The following TMIGD2 variants were observed in gnomAD, a reference collection of about 807,000 sequenced individuals.
The protein encoded by TMIGD2 is transmembrane and immunoglobulin domain containing 2, also known as transmembrane and immunoglobulin domain-containing protein 2.
Under a neutral mutation model 22.6 loss-of-function variants are expected in TMIGD2, and 18 were observed. The observed-to-expected ratio is 0.80, with a 90% CI of 0.55 to 1.18. The LOEUF (loss-of-function observed/expected upper bound fraction) is 1.18. TMIGD2 is among the 50% of genes most tolerant of loss of function. The probability of loss-of-function intolerance (pLI) is 0.00; values close to 1 mark genes in which losing one functional copy is unlikely to be tolerated. For synonymous variants in TMIGD2, 184 were observed against 154.1 expected, an observed-to-expected ratio of 1.19 and a Z score of -1.44; for missense variants, 361 against 378.2, an observed-to-expected ratio of 0.95 and a Z score of 0.38.
chr19:4,293,611 T>C (rs1034563693), intron 4 of TMIGD2, among the ~76,000 whole-genome samples: 3 of 151,350 alleles, frequency 2.0e-5, no homozygotes, highest in African/African-American at 7.3e-5. Context: ...TTTGTTTGTT[T>C]TTTGAGACAG....
intron 4 of TMIGD2, among the ~76,000 whole-genome samples, 172 bp downstream of exon 4, chr19:4,294,407 G>A (rs1035691547): frequency 6.6e-6 from 1 of 152,110 alleles, no homozygotes; most frequent in East Asian, 1.9e-4. Context: ...CAGGCTAGGG[G>A]CTTTGTCTCT....
rs375257491 is a variant in TMIGD2 at position 4,292,747 on chromosome 19, G to A, written c.701C>T (p.Pro234Leu). The change falls in exon 5 of 5, where the codon CCG becomes CTG. Residue 234 changes from proline to leucine, a missense_variant. Transcript: ENST00000301272. Reference sequence around the variant, plus strand: ...GGGGCAGGGTCTTGACGCCAGGTGCGGCTGGCGGGGGGCCGGTTGCGGGAA... The same window carrying A: ...GGGGCAGGGTCTTGACGCCAGGTGCAGCTGGCGGGGGGCCGGTTGCGGGAA... 40 of 1,610,184 alleles carry A rather than the reference G, an allele frequency of 2.5e-5. No homozygotes were observed. Among genetic ancestry groups the A allele is most frequent in the South Asian group, 3.3e-5 (3 of 90,842 alleles).
exon 4 of TMIGD2, chr19:4,294,603 G>C (rs779102593): frequency 1.9e-5 from 31 of 1,610,418 alleles, no homozygotes; most frequent in Non-Finnish European, 2.5e-5. Context: ...TGGCAGCTGC[G>C]GCGGCCCCAG....
Position 4,294,740 on chromosome 19 carries a change from A to G in TMIGD2, c.448+35T>C, listed in dbSNP as rs377173184. The G allele has an allele frequency of 2.6e-4, 411 of 1,576,438 alleles. 1 individual carries two copies. The highest frequency in any genetic ancestry group is 6.9e-4 in the Admixed American group (38 of 55,120). On this transcript the variant is annotated intron_variant, in intron 3 of 4. Transcript: ENST00000301272. ...GGGGAAGGGGTGGTGATGCGGGTGG[A>G]AGACGCTGGGGGAGGAACACAGGGC... is the stretch of plus-strand genomic sequence containing the variant.
At chr19:4,301,626 C>T (rs1282193368) in intron 1 of TMIGD2, among the ~76,000 whole-genome samples, 1 of 152,148 alleles carries the variant, frequency 6.6e-6, no homozygotes, top group African/African-American at 2.4e-5. Context: ...ACCGAGATCG[C>T]GTCACTGCAC....
In TMIGD2 at chr19:4,294,715, G is replaced by A. The variant is rs796255319; in HGVS notation, c.449-35C>T. ...GGGAGAAGAGATGGTCTAATCAGGA[G>A]GGGAAGGGGTGGTGATGCGGGTGGA... On this transcript the variant is annotated intron_variant, in intron 3 of 4. Coordinates refer to ENST00000301272, the Ensembl canonical transcript of TMIGD2. 5.7e-6 allele frequency: 9 copies of A among 1,572,294 alleles called. No individual in the cohort carries two copies. In the African/African-American group the frequency reaches 1.1e-4, roughly 19 times the overall value.
intron 1 of TMIGD2, among the ~76,000 whole-genome samples, chr19:4,299,123 C>T: frequency 6.6e-6 from 1 of 152,018 alleles, no homozygotes; most frequent in Non-Finnish European, 1.5e-5. Flanking sequence ...CAGGGAAGGC[C>T]TCCTTGAGGT....
intron 2 of TMIGD2, among the ~76,000 whole-genome samples, chr19:4,295,928 G>C (rs1451080235): frequency 6.6e-6 from 1 of 152,044 alleles, no homozygotes; most frequent in Non-Finnish European, 1.5e-5. Flanking sequence ...GTTGTTGTTT[G>C]TTTTTCTGGA....
At chr19:4,298,056 G>A in exon 2 of TMIGD2, 1 of 1,613,634 alleles carries the variant, frequency 6.2e-7, no homozygotes, top group Non-Finnish European at 8.5e-7. Flanking sequence ...CGGCCGCCCA[G>A]CACACGTACG....
rs751520123 is a variant in TMIGD2, at chr19:4,294,564, T to C, written c.562+3A>G. On this transcript the variant is annotated splice_donor_region_variant and intron_variant, in intron 4 of 4. Transcript: ENST00000301272. ...CCACCTCCTCCGCCCTACCCTCCCTTACCTGGGCTGTTACCTGAGTCCCTT... is the reference window on the plus strand; with the variant it reads ...CCACCTCCTCCGCCCTACCCTCCCTCACCTGGGCTGTTACCTGAGTCCCTT... The C allele has an allele frequency of 3.1e-6, 5 of 1,611,870 alleles. No individual in the cohort carries two copies. The Admixed American group carries it at 5.0e-5, about 16-fold the overall frequency.
rs573198579 is a variant in TMIGD2 at position 4,295,162 on chromosome 19, G to T, written c.407-346C>A. Among the ~76,000 whole-genome samples, 13 of 148,588 alleles carry T rather than the reference G, an allele frequency of 8.7e-5. No homozygotes were observed. In the South Asian group the frequency reaches 1.9e-3, roughly 22 times the overall value. ...TTTAATCCCAACTACTCAGGAGGCT[G>T]AGGCAGGAGAATCGCTTGAATCCAG... On this transcript the variant is annotated intron_variant, in intron 2 of 4. Transcript: ENST00000301272.
At chr19:4,302,209 G>C in intron 1 of TMIGD2, 131 bp downstream of exon 1, 1 of 956,868 alleles carries the variant, frequency 1.0e-6, no homozygotes, top group Non-Finnish European at 1.5e-6. Flanking sequence ...CACGTTCTGA[G>C]TCTCGGAGGG....
chr19:4,295,261 A>AAAAAAAAAAAC (rs1971447069), intron 2 of TMIGD2, among the ~76,000 whole-genome samples: 1 of 56,750 alleles, frequency 1.8e-5, no homozygotes, highest in Non-Finnish European at 3.5e-5. Flanking sequence ...ACTCTGCCTC[A>AAAAAAAAAAAC]AAAAAAAAAA....
intron 1 of TMIGD2, among the ~76,000 whole-genome samples, chr19:4,301,728 G>A (rs1000700299): frequency 6.6e-5 from 10 of 152,144 alleles, no homozygotes; most frequent in South Asian, 4.1e-4. Flanking sequence ...AAGTGCAAGC[G>A]GCTGGAATCA....
rs370727587 is a variant in TMIGD2 at position 4,294,605 on chromosome 19, C to T, written c.524G>A (p.Arg175His). ...TGAGTCCCTTTGCTGGCAGCTGCGG[C>T]GGCCCCAGAACCAGGCACCCCACAC... is the stretch of plus-strand genomic sequence containing the variant. Residue 175 changes from arginine (R) to histidine (H), a missense_variant, in exon 4 of 5, where the codon CGC (arginine) becomes CAC (histidine). By Grantham distance (29) the Arg-to-His change is conservative. Transcript: ENST00000301272. The T allele has an allele frequency of 8.4e-5, 135 of 1,610,490 alleles. 1 individual carries two copies. The East Asian group carries it at 1.3e-3, about 16-fold the overall frequency.
In TMIGD2 at chr19:4,297,979, C is replaced by A. The variant is rs1317318902; in HGVS notation, c.406+7G>T. Reference sequence around the variant, plus strand: ...CTGCCCCTCCCTCTCCCCGCTGGCTCCCGTACCTGGGTCCACAAAGAGCCT... The same window carrying A: ...CTGCCCCTCCCTCTCCCCGCTGGCTACCGTACCTGGGTCCACAAAGAGCCT... On this transcript the variant is annotated splice_region_variant and intron_variant, in intron 2 of 4. Transcript: ENST00000301272. The A allele has an allele frequency of 8.9e-6, 14 of 1,565,182 alleles. No homozygotes were observed. The highest frequency in any genetic ancestry group is 1.2e-5 in the Non-Finnish European group (14 of 1,151,520).
chr19:4,292,681 A>T (rs1971397022), exon 5 of TMIGD2: 1 of 1,603,704 alleles, frequency 6.2e-7, no homozygotes, highest in African/African-American at 1.3e-5. Flanking sequence ...GACCATAGAG[A>T]CGGGGTGGCC....
intron 4 of TMIGD2, among the ~76,000 whole-genome samples, chr19:4,293,913 C>T (rs975551778): frequency 1.3e-5 from 2 of 151,728 alleles, no homozygotes; most frequent in East Asian, 1.9e-4. Context: ...AGGCACAGGC[C>T]ACCACGCCTG....
chr19:4,294,797 TC>T lies in TMIGD2; in HGVS notation c.425del (p.Arg142LysfsTer154). On this transcript the variant is annotated frameshift_variant, in exon 3 of 5. Coordinates refer to ENST00000301272, the Ensembl canonical transcript of TMIGD2. LOFTEE classifies it high-confidence loss of function. ...CACCTGGGAAGCTTGCGATCCGGTT[TC>T]TGTTCTGTGTGGGGTCATCTGCAGA... 6.3e-7 allele frequency: 1 copy of T among 1,586,892 alleles called. No homozygotes were observed. Among genetic ancestry groups the T allele is most frequent in the Non-Finnish European group, 8.6e-7 (1 of 1,167,872 alleles).
Sources: gnomAD v4.1 joint callset for allele counts (sites outside exome capture counted in the v4.1 genomes callset) on GRCh38, gnomAD v4.1.1 for gene constraint, MANE v1.5 for transcripts, NCBI Gene and HGNC (gene_info 2026-07-23, HGNC 2026-07-21) for gene names.